AGBL4: variants seen among roughly 807,000 people sequenced by gnomAD.
AGBL4 encodes cytosolic carboxypeptidase 6.
In AGBL4, 58 loss-of-function variants were observed where a neutral mutation model predicts 66.4. That is an observed-to-expected ratio of 0.87 (90% confidence interval 0.71 to 1.09). The LOEUF is 1.09. Among genes scored for constraint, AGBL4 ranks in the 50% least tolerant of loss-of-function variants. AGBL4 has a pLI of 0.00. For missense variants in AGBL4, 579 were observed against 631.0 expected, an observed-to-expected ratio of 0.92 and a Z score of 0.88; for synonymous variants, 234 against 222.9, an observed-to-expected ratio of 1.05 and a Z score of -0.44.
At chr1:49,833,639 T>C (rs997421177) in intron 2 of AGBL4, among the ~76,000 whole-genome samples, 1 of 152,188 alleles carries the variant, frequency 6.6e-6, no homozygotes, top group Admixed American at 6.5e-5. Context: ...GGAATGTTCT[T>C]CCATTTCTTT....
At chr1:49,724,155 G>T (rs1041521581) in intron 2 of AGBL4, among the ~76,000 whole-genome samples, 1 of 152,170 alleles carries the variant, frequency 6.6e-6, no homozygotes, top group Non-Finnish European at 1.5e-5. Flanking sequence ...GGTATTGGAT[G>T]ATATACTTCA....
intron 3 of AGBL4, among the ~76,000 whole-genome samples, chr1:49,598,544 G>A (rs929257737): frequency 6.6e-5 from 10 of 152,150 alleles, no homozygotes; most frequent in South Asian, 2.1e-4. Context: ...TTCGTGAACC[G>A]CGAATGCTGC....
intron 5 of AGBL4, among the ~76,000 whole-genome samples, chr1:48,981,945 G>C (rs756610128): frequency 6.6e-6 from 1 of 152,156 alleles, no homozygotes; most frequent in Non-Finnish European, 1.5e-5. Context: ...CTTCATCTTG[G>C]GGTGAGGGTA....
chr1:49,590,206 A>G lies in AGBL4; in HGVS notation c.282+107107T>C, dbSNP rs375656568. 3.4e-4 allele frequency among the ~76,000 whole-genome samples: 52 copies of G among 152,204 alleles called. 1 individual carries two copies. In the South Asian group the frequency reaches 9.5e-3, roughly 28 times the overall value. Reference sequence around the variant, plus strand: ...TACAGTAATATTTATAGTAGCAAAAATCTGGAAACCAGCTAAAAGCTCAAC... The same window carrying G: ...TACAGTAATATTTATAGTAGCAAAAGTCTGGAAACCAGCTAAAAGCTCAAC... On this transcript the variant is annotated intron_variant, in intron 3 of 13. Transcript: ENST00000371839.
At chr1:48,544,758 G>A (rs958232377) in intron 11 of AGBL4, among the ~76,000 whole-genome samples, 2 of 152,100 alleles carry the variant, frequency 1.3e-5, no homozygotes, top group African/African-American at 2.4e-5. Context: ...AGAGAAGAGA[G>A]AGATTCCCAG....
chr1:48,869,331 A>G (rs1648419026), intron 5 of AGBL4, among the ~76,000 whole-genome samples: 1 of 152,042 alleles, frequency 6.6e-6, no homozygotes, highest in African/African-American at 2.4e-5. Flanking sequence ...CTTCCCTAAC[A>G]CGGAACCAGG....
At chr1:48,739,728 C>CA (rs1264850613) in intron 6 of AGBL4, among the ~76,000 whole-genome samples, 1 of 152,234 alleles carries the variant, frequency 6.6e-6, no homozygotes, top group African/African-American at 2.4e-5. Context: ...CAGGAGGACA[C>CA]AGCAACTGTT....
chr1:49,724,202 G>A (rs1648834771), intron 2 of AGBL4, among the ~76,000 whole-genome samples: 1 of 152,084 alleles, frequency 6.6e-6, no homozygotes, highest in African/African-American at 2.4e-5. Flanking sequence ...AACAGTGTAG[G>A]GCACTCTCAT....
intron 3 of AGBL4, among the ~76,000 whole-genome samples, chr1:49,380,542 T>C (rs1441263981): frequency 2.0e-5 from 3 of 152,010 alleles, no homozygotes; most frequent in Admixed American, 6.6e-5. Flanking sequence ...GCCAAGTCAA[T>C]CCTAAGCCAA....
intron 3 of AGBL4, among the ~76,000 whole-genome samples, chr1:49,440,062 G>T (rs1645991408): frequency 1.4e-5 from 2 of 138,008 alleles, no homozygotes; most frequent in Non-Finnish European, 3.1e-5. Flanking sequence ...AAATGCTAAG[G>T]ACTCTACTTT....
chr1:49,546,386 A>G (rs540376320), intron 3 of AGBL4, among the ~76,000 whole-genome samples: 26 of 151,716 alleles, frequency 1.7e-4, no homozygotes, highest in African/African-American at 5.3e-4. Flanking sequence ...ATACATATAT[A>G]CCACAGTGTC....
chr1:49,712,639 A>G (rs1647761874), intron 2 of AGBL4, among the ~76,000 whole-genome samples: 1 of 151,932 alleles, frequency 6.6e-6, no homozygotes, highest in African/African-American at 2.4e-5. Flanking sequence ...GATAACAGAT[A>G]TGACAATTTT....
intron 8 of AGBL4, among the ~76,000 whole-genome samples, chr1:48,648,976 G>A (rs925406820): frequency 3.9e-5 from 6 of 152,162 alleles, no homozygotes; most frequent in African/African-American, 9.7e-5. Flanking sequence ...TTGTGCCATC[G>A]TACAATCACT....
chr1:49,107,888 A>T (rs546936878), intron 4 of AGBL4, among the ~76,000 whole-genome samples: 69 of 152,330 alleles, frequency 4.5e-4, no homozygotes, highest in African/African-American at 1.2e-3. Flanking sequence ...ACCCCAACCC[A>T]CAGAAACCTC....
chr1:49,306,172 T>C (rs1453036513), intron 3 of AGBL4, among the ~76,000 whole-genome samples: 1 of 152,182 alleles, frequency 6.6e-6, no homozygotes, highest in Non-Finnish European at 1.5e-5. Context: ...ATCCTTTACC[T>C]GCATATTTCC....
intron 3 of AGBL4, among the ~76,000 whole-genome samples, chr1:49,384,793 G>A (rs1302816949): frequency 6.6e-6 from 1 of 152,144 alleles, no homozygotes; most frequent in Non-Finnish European, 1.5e-5. Flanking sequence ...TTTGTGCACT[G>A]TTGGTAGGAA....
chr1:49,854,846 C>T (rs954449599), intron 1 of AGBL4, among the ~76,000 whole-genome samples: 4 of 152,136 alleles, frequency 2.6e-5, no homozygotes, highest in Admixed American at 6.5e-5. Flanking sequence ...AACCATCTTC[C>T]CTGGGACACT....
intron 1 of AGBL4, among the ~76,000 whole-genome samples, chr1:49,962,174 TG>T (rs1266343048): frequency 2.6e-5 from 4 of 152,154 alleles, no homozygotes; most frequent in African/African-American, 9.7e-5. Context: ...CCTGTCCCCA[TG>T]GAGTTCCCTA....
intron 5 of AGBL4, among the ~76,000 whole-genome samples, chr1:49,035,524 C>T (rs1210642008): frequency 6.6e-6 from 1 of 152,126 alleles, no homozygotes; most frequent in Non-Finnish European, 1.5e-5. Context: ...TCTCCTGATT[C>T]TTCCCTGGTG....
Sources: gnomAD v4.1 joint callset for allele counts (sites outside exome capture counted in the v4.1 genomes callset) on GRCh38, gnomAD v4.1.1 for gene constraint, MANE v1.5 for transcripts, NCBI Gene and HGNC (gene_info 2026-07-23, HGNC 2026-07-21) for gene names.